The following ARSK variants were observed in gnomAD, a reference collection of about 807,000 sequenced individuals.
ARSK encodes arylsulfatase K.
ARSK carries 37 observed loss-of-function variants against 53.2 expected under a neutral mutation model. That is an observed-to-expected ratio of 0.70 (90% CI 0.54 to 0.92). The LOEUF (loss-of-function observed/expected upper bound fraction) is 0.92. Among genes scored for constraint, ARSK ranks in the 40% least tolerant of loss-of-function variants. The pLI, the probability that ARSK is intolerant of heterozygous loss-of-function variation, is 0.00. For synonymous variants in ARSK, 208 were observed against 223.2 expected (o/e 0.93, Z 0.61); for missense variants, 613 against 643.0 (o/e 0.95, Z 0.51).
At position 95,591,458 on chromosome 5, in the gene ARSK, A is replaced by G. The variant is rs1252069302; in HGVS notation, c.929A>G (p.Tyr310Cys). The change falls in exon 6 of 8, where the codon TAC becomes TGC. Residue 310 changes from tyrosine (Y) to cysteine (C), a missense_variant. Physicochemically the swap from Tyr to Cys is radical, Grantham distance 194 (BLOSUM62 -2). Transcript: ENST00000380009. ...CTTCTTCAGAAAACTATTGTCATAT[A>G]CTCCTCAGACCATGGAGAGCTGGCC... ...LDLLQKTIVI[Y>C]SSDHGELAME... 6.2e-7 allele frequency: 1 copy of G among 1,613,952 alleles called. No homozygotes were observed. The highest frequency in any genetic ancestry group is 1.7e-5 in the Admixed American group (1 of 59,986).
intron 3 of ARSK, among the ~76,000 whole-genome samples, chr5:95,578,190 C>T (rs1202635999): frequency 6.6e-6 from 1 of 152,026 alleles, no homozygotes; most frequent in Non-Finnish European, 1.5e-5. Context: ...CTCATTTTGT[C>T]ACCTAGGCTG....
At chr5:95,590,517 G>A (rs1308634945) in intron 5 of ARSK, among the ~76,000 whole-genome samples, 1 of 152,102 alleles carries the variant, frequency 6.6e-6, no homozygotes, top group African/African-American at 2.4e-5. Flanking sequence ...GGAAAGAGGA[G>A]TAGGGGCAAG....
At chr5:95,560,542 A>G (rs2112410199) in intron 1 of ARSK, among the ~76,000 whole-genome samples, 1 of 152,248 alleles carries the variant, frequency 6.6e-6, no homozygotes, top group Non-Finnish European at 1.5e-5. Context: ...ATAAACTCTC[A>G]TATTTATAGT....
chr5:95,572,639 G>A (rs183316358), intron 3 of ARSK, among the ~76,000 whole-genome samples: 103 of 152,138 alleles, frequency 6.8e-4, no homozygotes, highest in African/African-American at 2.3e-3. Flanking sequence ...TTAGCCGGGC[G>A]TGGTGGCGGG....
At chr5:95,585,892 A>G (rs1036078530) in intron 4 of ARSK, among the ~76,000 whole-genome samples, 1 of 152,220 alleles carries the variant, frequency 6.6e-6, no homozygotes, top group African/African-American at 2.4e-5. Context: ...AGTGTTTTAG[A>G]TACTTTATAT....
At chr5:95,569,131 C>G (rs750992162) in intron 3 of ARSK, among the ~76,000 whole-genome samples, 1 of 152,148 alleles carries the variant, frequency 6.6e-6, no homozygotes, top group Non-Finnish European at 1.5e-5. Flanking sequence ...ATTCCTCCTA[C>G]TGAACTTCGG....
chr5:95,573,653 C>A (rs1265421892), intron 3 of ARSK, among the ~76,000 whole-genome samples: 1 of 152,174 alleles, frequency 6.6e-6, no homozygotes, highest in Non-Finnish European at 1.5e-5. Flanking sequence ...ATCATTTCAT[C>A]TTACCATTGT....
chr5:95,563,144 C>T (rs1368131229), intron 1 of ARSK, among the ~76,000 whole-genome samples: 1 of 152,038 alleles, frequency 6.6e-6, no homozygotes, highest in Non-Finnish European at 1.5e-5. Context: ...AGTCAAAAAC[C>T]AAAACTTCTA....
At chr5:95,599,132 C>A (rs1468160121) in intron 6 of ARSK, among the ~76,000 whole-genome samples, 1 of 152,206 alleles carries the variant, frequency 6.6e-6, no homozygotes, top group Non-Finnish European at 1.5e-5. Flanking sequence ...TGTTTCCCTA[C>A]AGCTAGAACA....
intron 4 of ARSK, among the ~76,000 whole-genome samples, chr5:95,583,504 A>T (rs1205078176): frequency 6.6e-6 from 1 of 152,186 alleles, no homozygotes; most frequent in Non-Finnish European, 1.5e-5. Context: ...TGTAAAAATG[A>T]CCATGCAAGA....
intron 3 of ARSK, among the ~76,000 whole-genome samples, chr5:95,576,396 A>T (rs1329879391): frequency 6.6e-6 from 1 of 151,368 alleles, no homozygotes; most frequent in Non-Finnish European, 1.5e-5. Flanking sequence ...ATGGGGTTTC[A>T]CAATGTTGGC....
chr5:95,603,263 A>G lies in ARSK; in HGVS notation c.1348A>G (p.Thr450Ala), dbSNP rs1316539876. The change falls in exon 8 of 8, where the codon ACA (threonine) becomes GCA (alanine). Residue 450 changes from threonine to alanine, a missense_variant. Thr to Ala is a moderately conservative substitution (Grantham distance 58). Coordinates refer to ENST00000380009, the MANE Select transcript of ARSK (RefSeq NM_198150.3). ...FDLSSDPDEL[T>A]NVAVKFPEIT... ...TCTTTCCTCGGATCCAGATGAATTAACAAATGTTGCTGTAAAATTTCCAGA... is the reference window on the plus strand; with the variant it reads ...TCTTTCCTCGGATCCAGATGAATTAGCAAATGTTGCTGTAAAATTTCCAGA... 1 of 1,587,014 alleles carries G rather than the reference A, an allele frequency of 6.3e-7. No homozygotes were observed. The highest frequency in any genetic ancestry group is 1.2e-5 in the South Asian group (1 of 84,696).
intron 3 of ARSK, among the ~76,000 whole-genome samples, chr5:95,576,391 G>A (rs1580221297): frequency 6.6e-6 from 1 of 151,442 alleles, no homozygotes; most frequent in Non-Finnish European, 1.5e-5. Flanking sequence ...TAGAGATGGG[G>A]TTTCACAATG....
chr5:95,558,398 G>C (rs112837730), intron 1 of ARSK, among the ~76,000 whole-genome samples: 1 of 152,036 alleles, frequency 6.6e-6, no homozygotes, highest in African/African-American at 2.4e-5. Context: ...ACAGAGGATG[G>C]AAAAATAGTA....
chr5:95,600,525 G>A, intron 6 of ARSK: 4 of 450,186 alleles, frequency 8.9e-6, no homozygotes, highest in South Asian at 5.4e-5. Context: ...TATCTGCCAG[G>A]CATTGTCCTC....
intron 3 of ARSK, among the ~76,000 whole-genome samples, chr5:95,570,585 G>A (rs1334162218): frequency 6.6e-6 from 1 of 152,158 alleles, no homozygotes; most frequent in East Asian, 1.9e-4. Context: ...TGTTCTGTAA[G>A]TTATCTGTAA....
At chr5:95,569,604 G>A (rs1451324416) in intron 3 of ARSK, among the ~76,000 whole-genome samples, 3 of 152,152 alleles carry the variant, frequency 2.0e-5, no homozygotes, top group Non-Finnish European at 4.4e-5. Context: ...TTAGGAAGAG[G>A]CAAGGAAAAA....
chr5:95,597,297 G>T (rs1749325639), intron 6 of ARSK, among the ~76,000 whole-genome samples: 1 of 152,098 alleles, frequency 6.6e-6, no homozygotes, highest in Admixed American at 6.5e-5. Context: ...ATACAAAAAT[G>T]CAGTTGTAGT....
At chr5:95,597,259 AG>A (rs1314923126) in intron 6 of ARSK, among the ~76,000 whole-genome samples, 2 of 152,204 alleles carry the variant, frequency 1.3e-5, no homozygotes, top group Admixed American at 1.3e-4. Flanking sequence ...AGATAAGTCT[AG>A]ATTTTTTTAA....
Sources: allele counts gnomAD v4.1 joint callset (sites outside exome capture counted in the v4.1 genomes callset), GRCh38; gene constraint gnomAD v4.1.1; transcripts MANE v1.5; gene names NCBI Gene and HGNC (gene_info 2026-07-23, HGNC 2026-07-21).